The following ZNF518A variants were observed in gnomAD, a reference collection of about 807,000 sequenced individuals.
ZNF518A encodes the protein zinc finger protein 518.
Under a neutral mutation model 102.7 loss-of-function variants are expected in ZNF518A, and 47 were observed. The observed-to-expected ratio is 0.46, with a 90% CI of 0.36 to 0.58. The LOEUF (loss-of-function observed/expected upper bound fraction) is 0.58. Ranked by LOEUF, ZNF518A falls within the 20% of genes least tolerant of loss-of-function variation. ZNF518A has a pLI of 0.00. For synonymous variants in ZNF518A, 652 were observed against 594.6 expected (o/e 1.10, Z -1.40); for missense variants, 1,793 against 1,699.8 (o/e 1.05, Z -0.96).
chr10:96,148,433 T>C (rs60450792), intron 3 of ZNF518A, among the ~76,000 whole-genome samples: 55,813 of 151,972 alleles, frequency 0.37, 11,627 homozygotes, highest in Middle Eastern at 0.54. Flanking sequence ...AGAGTGGAAC[T>C]CTGTCTCAAA....
At chr10:96,138,687 G>A (rs1361090796) in intron 3 of ZNF518A, among the ~76,000 whole-genome samples, 1 of 152,178 alleles carries the variant, frequency 6.6e-6, no homozygotes, top group South Asian at 2.1e-4. Context: ...CGTGAGGGGA[G>A]GGATTTTTGT....
At chr10:96,180,212 A>G (rs1184104026) in intron 1 of ZNF518A, among the ~76,000 whole-genome samples, 2 of 128,818 alleles carry the variant, frequency 1.6e-5, no homozygotes, top group Non-Finnish European at 3.2e-5. Context: ...TTTAATAGAG[A>G]TGAAGTGTTG....
chr10:96,175,889 T>C (rs12356473), intron 1 of ZNF518A, among the ~76,000 whole-genome samples: 27,170 of 62,552 alleles, frequency 0.43, 5,185 homozygotes, highest in Non-Finnish European at 0.53. Flanking sequence ...CTTCCTTCCT[T>C]CCTTCCTTCC....
intron 1 of ZNF518A, among the ~76,000 whole-genome samples, chr10:96,181,583 C>T (rs1442066577): frequency 6.6e-6 from 1 of 152,170 alleles, no homozygotes; most frequent in African/African-American, 2.4e-5. Flanking sequence ...GTTTTCCCAG[C>T]ACCATTAATT....
chr10:96,174,955 AG>A (rs2083194726), intron 1 of ZNF518A, among the ~76,000 whole-genome samples: 1 of 152,164 alleles, frequency 6.6e-6, no homozygotes, highest in African/African-American at 2.4e-5. Context: ...CTTAAGAGTA[AG>A]GGACAGCATA....
intron 1 of ZNF518A, among the ~76,000 whole-genome samples, chr10:96,190,665 C>G (rs1471402463): frequency 6.6e-6 from 1 of 152,156 alleles, no homozygotes; most frequent in Non-Finnish European, 1.5e-5. Context: ...TCATAGATTG[C>G]TATCTTATGC....
intron 1 of ZNF518A, 138 bp from the exon 2 acceptor site, chr10:96,132,448 T>A (rs190961430): frequency 6.6e-6 from 1 of 151,954 alleles, no homozygotes. Context: ...ATCAATGATG[T>A]ATGCTTAAGT....
At chr10:96,152,168 C>T (rs587729854) in intron 3 of ZNF518A, among the ~76,000 whole-genome samples, 3 of 152,044 alleles carry the variant, frequency 2.0e-5, no homozygotes, top group South Asian at 4.2e-4. Flanking sequence ...CAAAAATTAG[C>T]GGACTGTGAT....
intron 3 of ZNF518A, among the ~76,000 whole-genome samples, chr10:96,143,497 T>C (rs1404470678): frequency 1.3e-5 from 2 of 152,202 alleles, no homozygotes; most frequent in Non-Finnish European, 2.9e-5. Context: ...TTTTAAGTCC[T>C]GCTACTCTTT....
Position 96,160,206 on chromosome 10 carries a change from T to G in ZNF518A, c.3884T>G (p.Leu1295Trp). ...YQEPPRRKAT[L>W]HRKCKEKAKP... ...GAACCTCCAAGAAGAAAAGCAACAT[T>G]GCATAGAAAGTGTAAAGAAAAGGCA... Residue 1295 changes from leucine to tryptophan, a missense_variant, in exon 6 of 6, where the codon TTG becomes TGG. Physicochemically the swap from Leu to Trp is moderately conservative, Grantham distance 61. Transcript: ENST00000316045. 6.2e-7 allele frequency: 1 copy of G among 1,611,024 alleles called. No homozygotes were observed.
rs587669343 is a variant in ZNF518A at position 96,156,695 on chromosome 10, C to G, written c.373C>G (p.Arg125Gly). ...ACTCAATTTCAGCTGTTTAAAATGC[C>G]GAGACAACACTCGATATAGCCCAAA... Reference protein sequence around the residue: ...KILNFSCLKCRDNTRYSPNDL... With the variant: ...KILNFSCLKCGDNTRYSPNDL... Residue 125 changes from arginine (R) to glycine (G), a missense_variant, in exon 6 of 6, where the codon CGA becomes GGA. By Grantham distance (125) the Arg-to-Gly change is moderately radical. Around this residue, in one of 3 missense-constraint regions of ZNF518A, gnomAD observed 1,741 missense variants for 1,622.6 expected, o/e 1.07. Transcript: ENST00000316045. 6.2e-7 allele frequency: 1 copy of G among 1,613,512 alleles called. No individual in the cohort carries two copies. The highest frequency in any genetic ancestry group is 8.5e-7 in the Non-Finnish European group (1 of 1,179,694).
At chr10:96,204,449 G>C (rs2083741914), downstream of ZNF518A, 2 of 1,395,216 alleles carry the variant, frequency 1.4e-6, no homozygotes, top group Non-Finnish European at 2.0e-6. Context: ...CTGCAAGTCA[G>C]TGTCACTGTG....
intron 1 of ZNF518A, among the ~76,000 whole-genome samples, chr10:96,132,013 T>C (rs1459302309): frequency 2.8e-5 from 4 of 143,388 alleles, no homozygotes; most frequent in South Asian, 2.1e-4. Context: ...TTAATACTAC[T>C]TTTTTTTTTT....
intron 1 of ZNF518A, among the ~76,000 whole-genome samples, chr10:96,192,999 A>G (rs1286360144): frequency 6.6e-6 from 1 of 152,190 alleles, no homozygotes; most frequent in Non-Finnish European, 1.5e-5. Context: ...GTGTTTATTA[A>G]TTGTTTGGAT....
At chr10:96,181,377 T>C (rs1266565534) in intron 1 of ZNF518A, among the ~76,000 whole-genome samples, 1 of 152,190 alleles carries the variant, frequency 6.6e-6, no homozygotes, top group Non-Finnish European at 1.5e-5. Flanking sequence ...ATTTTGGCTT[T>C]TGTTGCCATT....
At chr10:96,192,360 A>C (rs2083349719) in intron 1 of ZNF518A, among the ~76,000 whole-genome samples, 1 of 152,224 alleles carries the variant, frequency 6.6e-6, no homozygotes, top group Admixed American at 6.5e-5. Flanking sequence ...ATGATAAAAT[A>C]TTATAGTATA....
At chr10:96,196,995 G>T (rs1554894851) in intron 1 of ZNF518A, 1 of 1,612,658 alleles carries the variant, frequency 6.2e-7, no homozygotes, top group East Asian at 2.2e-5. Context: ...GCTTATTAAA[G>T]AATACAACTA....
intron 2 of ZNF518A, chr10:96,203,918 A>T: frequency 3.3e-6 from 2 of 612,352 alleles, no homozygotes; most frequent in Non-Finnish European, 5.9e-6. Flanking sequence ...CCCATTTTAC[A>T]GGTAAGGAAA....
chr10:96,130,053 G>A (rs1270103746), upstream of ZNF518A: 1 of 152,746 alleles, frequency 6.5e-6, no homozygotes, highest in Non-Finnish European at 1.5e-5. Flanking sequence ...TCAGCTTTTC[G>A]GCAATACCCG....
Sources: allele counts gnomAD v4.1 joint callset (sites outside exome capture counted in the v4.1 genomes callset), GRCh38; gene constraint gnomAD v4.1.1; regional missense constraint gnomAD v4.1.1; transcripts MANE v1.5; gene names NCBI Gene and HGNC (gene_info 2026-07-23, HGNC 2026-07-21).